HS6ST3: variants seen among roughly 807,000 people sequenced by gnomAD.
HS6ST3 encodes heparan sulfate 6-O-sulfotransferase 3.
In HS6ST3, 12 loss-of-function variants were observed where a neutral mutation model predicts 36.7. The ratio of observed to expected loss-of-function variants is 0.33; its 90% CI spans 0.21 to 0.53. The LOEUF is 0.53. HS6ST3 is among the 20% of genes least tolerant of loss of function. The probability of loss-of-function intolerance (pLI) is 0.95; values close to 1 mark genes in which losing one functional copy is unlikely to be tolerated. For missense variants in HS6ST3, 584 were observed against 640.9 expected, an observed-to-expected ratio of 0.91 and a Z score of 0.96; for synonymous variants, 240 against 257.5, an observed-to-expected ratio of 0.93 and a Z score of 0.65.
rs80287443 is a variant in HS6ST3 at position 96,431,816 on chromosome 13, C to T, written c.707+340247C>T. Among the ~76,000 whole-genome samples the T allele has an allele frequency of 2.3e-3, 347 of 152,306 alleles. 2 individuals carry two copies. Among genetic ancestry groups the T allele is most frequent in the Middle Eastern group, 0.014 (4 of 294 alleles). ...ACGACATAGATCATCTCTTGTAGGG[C>T]AACTTAGTTCCTCAAAGCCCCAGCT... On this transcript the variant is annotated intron_variant, in intron 1 of 1. Transcript: ENST00000376705.
chr13:96,163,158 G>T (rs756114062), intron 1 of HS6ST3, among the ~76,000 whole-genome samples: 58 of 151,686 alleles, frequency 3.8e-4, no homozygotes, highest in Non-Finnish European at 1.0e-4. Flanking sequence ...GAGGCAGTGG[G>T]TATGTAAGTA....
intron 1 of HS6ST3, among the ~76,000 whole-genome samples, chr13:96,462,448 G>C (rs1488420560): frequency 6.6e-6 from 1 of 152,162 alleles, no homozygotes; most frequent in African/African-American, 2.4e-5. Context: ...AATTTGTGGC[G>C]AACTAGGTGT....
intron 1 of HS6ST3, among the ~76,000 whole-genome samples, chr13:96,098,637 C>T (rs1376921202): frequency 1.3e-5 from 2 of 149,818 alleles, no homozygotes; most frequent in Non-Finnish European, 3.0e-5. Context: ...GCCTAGGCAA[C>T]AAAGTGAAAC....
At chr13:96,514,362 C>T (rs1012460993) in intron 1 of HS6ST3, among the ~76,000 whole-genome samples, 1 of 152,120 alleles carries the variant, frequency 6.6e-6, no homozygotes, top group Admixed American at 6.5e-5. Context: ...AGGTTTTTCT[C>T]GCTCTGATCA....
intron 1 of HS6ST3, among the ~76,000 whole-genome samples, chr13:96,739,286 G>A (rs1222851501): frequency 6.8e-6 from 1 of 146,186 alleles, no homozygotes; most frequent in South Asian, 2.2e-4. Flanking sequence ...TGTTGGAGTG[G>A]GGGATTCTCC....
intron 1 of HS6ST3, among the ~76,000 whole-genome samples, chr13:96,170,997 A>C (rs982130636): frequency 6.6e-6 from 1 of 152,248 alleles, no homozygotes; most frequent in Non-Finnish European, 1.5e-5. Flanking sequence ...ATGTTTGGGA[A>C]AGATTTAATC....
chr13:96,452,206 G>A (rs1055255694), intron 1 of HS6ST3, among the ~76,000 whole-genome samples: 1 of 152,116 alleles, frequency 6.6e-6, no homozygotes, highest in Non-Finnish European at 1.5e-5. Context: ...ATAACCCTCA[G>A]CACATCTATA....
rs148501276 is a variant in HS6ST3, at chr13:96,258,129, G to A, written c.707+166560G>A. On this transcript the variant is annotated intron_variant, in intron 1 of 1. Coordinates refer to ENST00000376705, the MANE Select transcript of HS6ST3 (RefSeq NM_153456.4). ...CCTCAGGACTTAGAAGTTCTGAAGT[G>A]GTAGTTCTTTATTGAAGTCTGGATG... Among the ~76,000 whole-genome samples, 394 of 152,252 alleles carry A rather than the reference G, an allele frequency of 2.6e-3. 2 individuals carry two copies. Among genetic ancestry groups the A allele is most frequent in the Middle Eastern group, 6.8e-3 (2 of 294 alleles).
chr13:96,830,256 G>A (rs937337053), intron 1 of HS6ST3, among the ~76,000 whole-genome samples: 1 of 152,100 alleles, frequency 6.6e-6, no homozygotes, highest in East Asian at 1.9e-4. Flanking sequence ...GGGTGTTTTC[G>A]AATTACAGTG....
chr13:96,357,102 G>C (rs1477838311), intron 1 of HS6ST3, among the ~76,000 whole-genome samples: 1 of 152,226 alleles, frequency 6.6e-6, no homozygotes, highest in African/African-American at 2.4e-5. Flanking sequence ...TAGAATTGGA[G>C]TGAATTAGGG....
At chr13:96,568,537 G>A (rs1390280849) in intron 1 of HS6ST3, among the ~76,000 whole-genome samples, 1 of 152,102 alleles carries the variant, frequency 6.6e-6, no homozygotes, top group Non-Finnish European at 1.5e-5. Flanking sequence ...GATTACAGGC[G>A]TGAGCCACCA....
At chr13:96,450,286 C>A (rs951917183) in intron 1 of HS6ST3, among the ~76,000 whole-genome samples, 2 of 152,108 alleles carry the variant, frequency 1.3e-5, no homozygotes, top group African/African-American at 4.8e-5. Flanking sequence ...CTGTTACTTT[C>A]TTTTTTCCCA....
chr13:96,684,319 G>T (rs576222070), intron 1 of HS6ST3, among the ~76,000 whole-genome samples: 1 of 151,874 alleles, frequency 6.6e-6, no homozygotes, highest in East Asian at 1.9e-4. Flanking sequence ...GCATCTAGAG[G>T]CATCCTGTTC....
intron 1 of HS6ST3, among the ~76,000 whole-genome samples, chr13:96,587,754 G>T (rs2056367233): frequency 1.3e-5 from 2 of 152,278 alleles, no homozygotes; most frequent in East Asian, 3.9e-4. Context: ...GCCTATTAAG[G>T]TCCCACTTCC....
At chr13:96,741,671 G>C (rs1250885037) in intron 1 of HS6ST3, among the ~76,000 whole-genome samples, 1 of 152,136 alleles carries the variant, frequency 6.6e-6, no homozygotes, top group Non-Finnish European at 1.5e-5. Flanking sequence ...GCTTTACCCT[G>C]TGACTTTAAT....
chr13:96,225,301 G>A (rs1000815666), intron 1 of HS6ST3, among the ~76,000 whole-genome samples: 2 of 152,196 alleles, frequency 1.3e-5, no homozygotes, highest in African/African-American at 2.4e-5. Context: ...ACACTAGGAG[G>A]TGTAAACAAT....
intron 1 of HS6ST3, among the ~76,000 whole-genome samples, chr13:96,225,163 A>C (rs947167714): frequency 6.6e-6 from 1 of 152,342 alleles, no homozygotes. Context: ...AATTGGTCAC[A>C]CCTGACAGGT....
intron 1 of HS6ST3, among the ~76,000 whole-genome samples, chr13:96,778,791 G>A (rs1164375365): frequency 1.3e-5 from 2 of 152,018 alleles, no homozygotes; most frequent in Non-Finnish European, 2.9e-5. Flanking sequence ...ACCAGAAATA[G>A]CATTTGACCC....
intron 1 of HS6ST3, among the ~76,000 whole-genome samples, chr13:96,323,877 T>C (rs2139416413): frequency 6.6e-6 from 1 of 152,316 alleles, no homozygotes; most frequent in East Asian, 1.9e-4. Flanking sequence ...TTTTGTCCAT[T>C]TCGTTCAGTG....
Sources: gnomAD v4.1 joint callset for allele counts (sites outside exome capture counted in the v4.1 genomes callset) on GRCh38, gnomAD v4.1.1 for gene constraint, MANE v1.5 for transcripts, NCBI Gene and HGNC (gene_info 2026-07-23, HGNC 2026-07-21) for gene names.